The following IL1RAPL1 variants were observed in gnomAD, a reference collection of about 807,000 sequenced individuals.
The protein encoded by IL1RAPL1 is interleukin 1 receptor accessory protein like 1, also known as interleukin-1 receptor accessory protein-like 1.
In IL1RAPL1, 3 loss-of-function variants were observed where a neutral mutation model predicts 48.4. The observed-to-expected ratio is 0.06, with a 90% CI of 0.03 to 0.16. IL1RAPL1 has a LOEUF of 0.16. Among genes scored for constraint, IL1RAPL1 ranks in the 10% least tolerant of loss-of-function variants. IL1RAPL1 has a pLI of 1.00. For missense variants in IL1RAPL1, 349 were observed against 530.6 expected (o/e 0.66, Z 3.36); for synonymous variants, 185 against 187.7 (o/e 0.99, Z 0.12).
intron 2 of IL1RAPL1, among the ~76,000 whole-genome samples, chrX:29,068,371 T>C (rs1328091629): frequency 8.9e-6 from 1 of 112,163 alleles, no homozygotes; most frequent in Non-Finnish European, 1.9e-5. Flanking sequence ...GAGTGAGAAG[T>C]GGTTTCTTCA....
At chrX:29,131,141 TCA>T (rs1460992943) in intron 2 of IL1RAPL1, among the ~76,000 whole-genome samples, 2 of 111,903 alleles carry the variant, frequency 1.8e-5, no homozygotes, top group East Asian at 5.6e-4. Context: ...GCAGTAAATC[TCA>T]GTGCTAGGCT....
chrX:29,770,033 A>G (rs1482464038), intron 6 of IL1RAPL1, among the ~76,000 whole-genome samples: 1 of 112,465 alleles, frequency 8.9e-6, no homozygotes, highest in African/African-American at 3.2e-5. Context: ...ACTTCAAGTT[A>G]CATCTGAAAT....
chrX:29,178,604 A>G (rs1000386869), intron 2 of IL1RAPL1, among the ~76,000 whole-genome samples: 1 of 111,388 alleles, frequency 9.0e-6, no homozygotes, highest in African/African-American at 3.3e-5. Context: ...GTTTAATTAG[A>G]TCCCATTTGT....
intron 5 of IL1RAPL1, among the ~76,000 whole-genome samples, chrX:29,437,164 T>C (rs183399535): frequency 9.0e-6 from 1 of 111,109 alleles, no homozygotes; most frequent in African/African-American, 3.2e-5. Context: ...CTGAGATGCC[T>C]CTCCACCTCC....
intron 5 of IL1RAPL1, among the ~76,000 whole-genome samples, chrX:29,597,645 A>G (rs185350924): frequency 1.8e-5 from 2 of 112,182 alleles, no homozygotes; most frequent in African/African-American, 3.2e-5. Context: ...GATATAATTC[A>G]GCTGTGAGTC....
intron 5 of IL1RAPL1, among the ~76,000 whole-genome samples, chrX:29,606,115 C>A (rs1182128790): frequency 9.0e-6 from 1 of 111,311 alleles, no homozygotes; most frequent in East Asian, 2.8e-4. Flanking sequence ...TGTCTGTTCC[C>A]CAATTTATCT....
At chrX:28,756,809 A>G (rs1349001123) in intron 1 of IL1RAPL1, among the ~76,000 whole-genome samples, 3 of 111,605 alleles carry the variant, frequency 2.7e-5, no homozygotes, top group Non-Finnish European at 5.6e-5. Context: ...GCAGACCTCA[A>G]TTTTATCTCT....
chrX:29,483,733 G>C (rs1367170597), intron 5 of IL1RAPL1, among the ~76,000 whole-genome samples: 1 of 107,956 alleles, frequency 9.3e-6, no homozygotes, highest in East Asian at 2.9e-4. Flanking sequence ...CTGTCACTCA[G>C]CAGGCTGGAG....
chrX:28,741,095 G>GT (rs898379254), intron 1 of IL1RAPL1, among the ~76,000 whole-genome samples: 3 of 111,693 alleles, frequency 2.7e-5, no homozygotes, highest in Non-Finnish European at 3.8e-5. Context: ...ATAGCTCTGA[G>GT]TTTTTTTGAG....
intron 6 of IL1RAPL1, among the ~76,000 whole-genome samples, chrX:29,784,955 C>T (rs1331651902): frequency 1.8e-5 from 2 of 111,728 alleles, no homozygotes; most frequent in African/African-American, 3.2e-5. Context: ...GACATTGATA[C>T]GTTGCAGTAG....
chrX:28,608,398 A>G (rs942996278), intron 1 of IL1RAPL1, among the ~76,000 whole-genome samples: 21 of 112,165 alleles, frequency 1.9e-4, no homozygotes, highest in African/African-American at 6.5e-4. Context: ...CTTTCAAACT[A>G]TAGACTATTT....
intron 5 of IL1RAPL1, among the ~76,000 whole-genome samples, chrX:29,626,081 A>C (rs1924607356): frequency 8.9e-6 from 1 of 112,352 alleles, no homozygotes; most frequent in African/African-American, 3.2e-5. Flanking sequence ...GTGCATAAGG[A>C]AACAATCATT....
intron 2 of IL1RAPL1, among the ~76,000 whole-genome samples, chrX:29,180,226 A>G (rs1930116450): frequency 9.0e-6 from 1 of 110,530 alleles, no homozygotes; most frequent in African/African-American, 3.3e-5. Context: ...TCAAAAAAAA[A>G]AATTGAGGAA....
intron 5 of IL1RAPL1, among the ~76,000 whole-genome samples, chrX:29,628,524 C>A (rs781381026): frequency 9.0e-6 from 1 of 111,688 alleles, no homozygotes; most frequent in African/African-American, 3.2e-5. Flanking sequence ...AAGAATTCCC[C>A]AGTCACTATG....
intron 2 of IL1RAPL1, among the ~76,000 whole-genome samples, chrX:28,835,760 C>A (rs998161913): frequency 4.5e-5 from 5 of 111,097 alleles, no homozygotes; most frequent in African/African-American, 1.6e-4. Flanking sequence ...TGCCTAGTAG[C>A]ACTTTAAATG....
At chrX:29,405,406 G>A (rs1401978810) in intron 5 of IL1RAPL1, among the ~76,000 whole-genome samples, 3 of 95,080 alleles carry the variant, frequency 3.2e-5, no homozygotes, top group African/African-American at 1.6e-4. Context: ...TCGCTCTGTC[G>A]CCCAGGCTGG....
At chrX:29,600,989 C>G (rs191078643) in intron 5 of IL1RAPL1, among the ~76,000 whole-genome samples, 63 of 111,120 alleles carry the variant, frequency 5.7e-4, no homozygotes, top group African/African-American at 2.1e-3. Flanking sequence ...TTGCCCCAGA[C>G]CATGAGCCTC....
At chrX:28,593,329 A>T (rs767286459) in intron 1 of IL1RAPL1, among the ~76,000 whole-genome samples, 1 of 111,799 alleles carries the variant, frequency 8.9e-6, no homozygotes, top group East Asian at 2.8e-4. Context: ...CAGGCACTGA[A>T]CTGTGAATAA....
intron 2 of IL1RAPL1, among the ~76,000 whole-genome samples, chrX:29,015,580 TTAGTG>T (rs1194845729): frequency 9.0e-6 from 1 of 111,232 alleles, no homozygotes; most frequent in East Asian, 2.8e-4. Context: ...ACCAAAAACC[TTAGTG>T]TCTATTTGGG....
Sources: gnomAD v4.1 joint callset for allele counts (sites outside exome capture counted in the v4.1 genomes callset) on GRCh38, gnomAD v4.1.1 for gene constraint, MANE v1.5 for transcripts, NCBI Gene and HGNC (gene_info 2026-07-23, HGNC 2026-07-21) for gene names.